Variants in PPFIA1 observed in about 807,000 individuals in gnomAD.
PPFIA1 encodes liprin-alpha-1.
Under a neutral mutation model 149.9 loss-of-function variants are expected in PPFIA1, and 25 were observed. The observed-to-expected ratio is 0.17, with a 90% CI of 0.12 to 0.23. PPFIA1 has a LOEUF of 0.23. Among genes scored for constraint, PPFIA1 ranks in the 10% least tolerant of loss-of-function variants. The pLI, the probability that PPFIA1 is intolerant of heterozygous loss-of-function variation, is 1.00. For missense variants in PPFIA1, 1,362 were observed against 1,506.5 expected, an observed-to-expected ratio of 0.90 and a Z score of 1.59; for synonymous variants, 549 against 552.8, an observed-to-expected ratio of 0.99 and a Z score of 0.10.
chr11:70,344,998 G>C (rs4402317), intron 15 of PPFIA1, among the ~76,000 whole-genome samples: 33,239 of 151,520 alleles, frequency 0.22, 5,577 homozygotes, highest in African/African-American at 0.47. Context: ...GGGGCCATCA[G>C]CCACCACTTG....
chr11:70,372,435 ACT>A (rs1414427131), intron 22 of PPFIA1, 40 bp from the exon 23 acceptor site: 1 of 1,612,672 alleles, frequency 6.2e-7, no homozygotes, highest in South Asian at 1.1e-5. Flanking sequence ...AAGATTTTTC[ACT>A]GTTACCATCT....
At chr11:70,379,174 C>T (rs75699210) in intron 26 of PPFIA1, among the ~76,000 whole-genome samples, 3 of 152,100 alleles carry the variant, frequency 2.0e-5, no homozygotes, top group Admixed American at 6.5e-5. Flanking sequence ...CACTCATGCT[C>T]ACTTCTGAGG....
intron 10 of PPFIA1, chr11:70,334,410 C>T (rs1233120227): frequency 1.3e-5 from 2 of 152,186 alleles, no homozygotes; most frequent in Admixed American, 1.3e-4. Flanking sequence ...TTCTGGGAAA[C>T]GACGATTCCG....
intron 7 of PPFIA1, 45 bp downstream of exon 7, chr11:70,326,863 T>C: frequency 6.6e-7 from 1 of 1,515,224 alleles, no homozygotes; most frequent in Non-Finnish European, 9.1e-7. Flanking sequence ...AGTTGTATGT[T>C]TGGGACGTTT....
At chr11:70,272,605 A>G (rs1032556663) in intron 2 of PPFIA1, among the ~76,000 whole-genome samples, 169 bp downstream of exon 2, 1 of 152,214 alleles carries the variant, frequency 6.6e-6, no homozygotes, top group East Asian at 1.9e-4. Context: ...TAAACTTCTT[A>G]GGGAGAACAA....
Position 70,326,726 on chromosome 11 carries a change from G to A in PPFIA1, c.838G>A (p.Val280Met), listed in dbSNP as rs374990716. 216 of 1,614,038 alleles carry A rather than the reference G, an allele frequency of 1.3e-4. No homozygotes were observed. Among genetic ancestry groups the A allele is most frequent in the Non-Finnish European group, 1.8e-4 (209 of 1,180,024 alleles). ...KERLASLSSH[V>M]TELEEDLDTA... ...ACGCCTGGCTTCCCTTTCCAGTCATGTGACAGAACTGGAAGAGGATCTGGA... is the reference window on the plus strand; with the variant it reads ...ACGCCTGGCTTCCCTTTCCAGTCATATGACAGAACTGGAAGAGGATCTGGA... The change falls in exon 7 of 28, where the codon GTG (valine) becomes ATG (methionine). Residue 280 changes from valine (V) to methionine (M), a missense_variant. Physicochemically the swap from Val to Met is conservative, Grantham distance 21. Transcript: ENST00000253925.
At position 70,373,231 on chromosome 11, in the gene PPFIA1, A is replaced by T. The variant is rs554636518; in HGVS notation, c.3139+657A>T. Among the ~76,000 whole-genome samples, 175 of 151,958 alleles carry T rather than the reference A, an allele frequency of 1.2e-3. 1 individual carries two copies. Among genetic ancestry groups the T allele is most frequent in the African/African-American group, 3.8e-3 (159 of 41,450 alleles). ...TGTTTGTTTGTTTATTTATTTATTT[A>T]ATTTATTTTGAGACAGGGTCTTGCT... On this transcript the variant is annotated intron_variant, in intron 23 of 27. Transcript: ENST00000253925.
chr11:70,302,817 C>G (rs1175335833), intron 2 of PPFIA1, among the ~76,000 whole-genome samples: 1 of 149,546 alleles, frequency 6.7e-6, no homozygotes, highest in Non-Finnish European at 1.5e-5. Flanking sequence ...GTATGTTGCC[C>G]AGGCTGATCT....
At chr11:70,304,604 C>T (rs954862616) in intron 2 of PPFIA1, among the ~76,000 whole-genome samples, 6 of 152,174 alleles carry the variant, frequency 3.9e-5, no homozygotes, top group African/African-American at 7.2e-5. Context: ...GTCAGAAGCA[C>T]AGGTCACAAC....
intron 25 of PPFIA1, 52 bp downstream of exon 25, chr11:70,376,652 T>C (rs757514649): frequency 9.4e-6 from 13 of 1,386,824 alleles, no homozygotes; most frequent in South Asian, 5.8e-5. Flanking sequence ...TGTAAATGTT[T>C]AAATGTGTGT....
chr11:70,364,495 T>G (rs1424020863), intron 21 of PPFIA1: 1 of 152,194 alleles, frequency 6.6e-6, no homozygotes, highest in South Asian at 2.1e-4. Flanking sequence ...GCCTCACACA[T>G]TTCTCCAAGG....
intron 21 of PPFIA1, chr11:70,367,521 G>T (rs774357074): frequency 2.2e-6 from 1 of 456,140 alleles, no homozygotes; most frequent in South Asian, 1.5e-5. Flanking sequence ...TCAGTGCTGG[G>T]AGTAAACACT....
At chr11:70,279,064 C>A in intron 2 of PPFIA1, 1 of 506,638 alleles carries the variant, frequency 2.0e-6, no homozygotes, top group East Asian at 4.5e-5. Flanking sequence ...GTATGCTTTA[C>A]TGTGAAGTCT....
At chr11:70,277,037 GATAT>G (rs1287413641) in intron 2 of PPFIA1, among the ~76,000 whole-genome samples, 1 of 79,200 alleles carries the variant, frequency 1.3e-5, no homozygotes, top group South Asian at 3.6e-4. Flanking sequence ...GTTTGATTGA[GATAT>G]ATATATATAT....
intron 2 of PPFIA1, among the ~76,000 whole-genome samples, chr11:70,299,812 G>A (rs1591114233): frequency 6.6e-6 from 1 of 152,290 alleles, no homozygotes; most frequent in Non-Finnish European, 1.5e-5. Flanking sequence ...TCAGAGCCGG[G>A]ACCTCGGTGC....
At chr11:70,327,007 G>A (rs1208565977) in intron 7 of PPFIA1, 189 bp downstream of exon 7, 2 of 578,780 alleles carry the variant, frequency 3.5e-6, no homozygotes, top group African/African-American at 3.7e-5. Context: ...CATTTTTGTT[G>A]TGAAATCTCC....
intron 5 of PPFIA1, 145 bp downstream of exon 5, chr11:70,325,719 G>T (rs1055923647): frequency 1.7e-6 from 1 of 580,614 alleles, no homozygotes; most frequent in Non-Finnish European, 3.0e-6. Context: ...ATCACCTGAG[G>T]TCAGGAGTTC....
At chr11:70,308,487 A>G (rs1413461721) in intron 2 of PPFIA1, among the ~76,000 whole-genome samples, 2 of 152,264 alleles carry the variant, frequency 1.3e-5, no homozygotes, top group Non-Finnish European at 2.9e-5. Context: ...ATATTCCTGT[A>G]AGCATGATCA....
intron 26 of PPFIA1, chr11:70,378,461 T>G: frequency 8.5e-7 from 1 of 1,170,216 alleles, no homozygotes; most frequent in Non-Finnish European, 1.1e-6. Context: ...TCGTCTGTGT[T>G]CTCAGAGAGA....
Sources: allele counts gnomAD v4.1 joint callset (sites outside exome capture counted in the v4.1 genomes callset), GRCh38; gene constraint gnomAD v4.1.1; transcripts MANE v1.5; gene names NCBI Gene and HGNC (gene_info 2026-07-23, HGNC 2026-07-21).